KLHL29: variants seen among roughly 807,000 people sequenced by gnomAD.
KLHL29 encodes kelch-like protein 29.
Under a neutral mutation model 80.4 loss-of-function variants are expected in KLHL29, and 21 were observed. That is an observed-to-expected ratio of 0.26 (90% CI 0.19 to 0.38). KLHL29 has a LOEUF of 0.38. Among genes scored for constraint, KLHL29 ranks in the 10% least tolerant of loss-of-function variants. The pLI, the probability that KLHL29 is intolerant of heterozygous loss-of-function variation, is 1.00. For missense variants in KLHL29, 867 were observed against 1,223.9 expected, an observed-to-expected ratio of 0.71 and a Z score of 4.35; for synonymous variants, 511 against 526.8, an observed-to-expected ratio of 0.97 and a Z score of 0.41.
chr2:23,452,249 T>C (rs1034487885), intron 1 of KLHL29, among the ~76,000 whole-genome samples: 2 of 151,748 alleles, frequency 1.3e-5, no homozygotes, highest in African/African-American at 2.4e-5. Flanking sequence ...CTCCAGTTCC[T>C]GAGCCCAAGT....
In KLHL29 at chr2:23,503,184, A is replaced by AG. The variant is rs1220455583; in HGVS notation, c.-46+27518dup. On this transcript the variant is annotated intron_variant, in intron 2 of 13. Coordinates refer to ENST00000486442, the MANE Select transcript of KLHL29 (RefSeq NM_052920.2). The surrounding 1 kb of genome is among the most constrained non-coding windows in gnomAD (Gnocchi z 4.0). ...GCTACGGCAAGGGCAGGCAGATCTG[A>AG]GTGGAGGCTGCTGTCCTGTGAAGTA... Among the ~76,000 whole-genome samples the AG allele has an allele frequency of 6.6e-6, 1 of 152,174 alleles. No individual in the cohort carries two copies. Among genetic ancestry groups the AG allele is most frequent in the African/African-American group, 2.4e-5 (1 of 41,434 alleles).
At chr2:23,523,488 C>T (rs368543828) in intron 2 of KLHL29, among the ~76,000 whole-genome samples, 1 of 152,204 alleles carries the variant, frequency 6.6e-6, no homozygotes, top group East Asian at 1.9e-4. Flanking sequence ...CCTTAGCTTC[C>T]CCCCGCCAAA....
At chr2:23,432,391 AT>A (rs1663205978) in intron 1 of KLHL29, among the ~76,000 whole-genome samples, 1 of 152,110 alleles carries the variant, frequency 6.6e-6, no homozygotes, top group South Asian at 2.1e-4. Flanking sequence ...TTCCCTGGTT[AT>A]TTTTTAAATG....
chr2:23,519,890 A>G (rs1666043040), intron 2 of KLHL29, among the ~76,000 whole-genome samples: 1 of 99,058 alleles, frequency 1.0e-5, no homozygotes, highest in African/African-American at 2.9e-5. Context: ...AGCCTTTCCA[A>G]AGGAGGCAAT....
chr2:23,531,548 C>T (rs556468688), intron 2 of KLHL29, among the ~76,000 whole-genome samples: 1 of 152,312 alleles, frequency 6.6e-6, no homozygotes, highest in African/African-American at 2.4e-5. Flanking sequence ...CTGGGACCAA[C>T]GGGATTTCAC....
rs1332025606 is a variant in KLHL29 at position 23,564,478 on chromosome 2, T to C, written c.285+1997T>C. Reference sequence around the variant, plus strand: ...GAATTCTGCCTCCAGCCCGGCCTGTTTCCTGCAGGGGCTTGTTTGATTCCC... The same window carrying C: ...GAATTCTGCCTCCAGCCCGGCCTGTCTCCTGCAGGGGCTTGTTTGATTCCC... On this transcript the variant is annotated intron_variant, in intron 3 of 13. Coordinates refer to ENST00000486442, the MANE Select transcript of KLHL29 (RefSeq NM_052920.2). Among the ~76,000 whole-genome samples, 9 of 152,340 alleles carry C rather than the reference T, an allele frequency of 5.9e-5. No individual in the cohort carries two copies. The East Asian group carries it at 1.7e-3, about 29-fold the overall frequency.
chr2:23,703,065 C>A, intron 11 of KLHL29, 121 bp from the exon 12 acceptor site: 1 of 661,572 alleles, frequency 1.5e-6, no homozygotes, highest in Non-Finnish European at 2.3e-6. Context: ...CTGGTGTGAT[C>A]TCAGGCTATG....
Position 23,615,576 on chromosome 2 carries a change from C to T in KLHL29, c.286-23563C>T, listed in dbSNP as rs555769982. 5.3e-5 allele frequency among the ~76,000 whole-genome samples: 8 copies of T among 152,240 alleles called. No homozygotes were observed. The East Asian group carries it at 7.7e-4, about 15-fold the overall frequency. Reference sequence around the variant, plus strand: ...TGCCTCTCACGGTGGACCTGCGAGCCGGGCCGGAGCACCTGCACTGGTGCT... The same window carrying T: ...TGCCTCTCACGGTGGACCTGCGAGCTGGGCCGGAGCACCTGCACTGGTGCT... On this transcript the variant is annotated intron_variant, in intron 3 of 13. Transcript: ENST00000486442.
intron 5 of KLHL29, among the ~76,000 whole-genome samples, chr2:23,677,006 A>G (rs6713979): frequency 0.17 from 25,211 of 152,224 alleles, 2,196 homozygotes; most frequent in Middle Eastern, 0.25. Flanking sequence ...GCTGGCAGCC[A>G]CCTCTGTTCA....
intron 5 of KLHL29, among the ~76,000 whole-genome samples, chr2:23,650,022 G>C (rs1315998391): frequency 6.6e-6 from 1 of 152,222 alleles, no homozygotes; most frequent in Non-Finnish European, 1.5e-5. Flanking sequence ...CAGAGCCCAC[G>C]TGTGGCTTCT....
At chr2:23,568,248 T>C (rs1667637913) in intron 3 of KLHL29, among the ~76,000 whole-genome samples, 1 of 152,226 alleles carries the variant, frequency 6.6e-6, no homozygotes, top group South Asian at 2.1e-4. Flanking sequence ...GAAGACTTCA[T>C]TGACTGGAGC....
intron 1 of KLHL29, among the ~76,000 whole-genome samples, chr2:23,401,889 C>G (rs2103389124): frequency 6.6e-6 from 1 of 152,372 alleles, no homozygotes; most frequent in African/African-American, 2.4e-5. Context: ...GATGCAAGTT[C>G]TCGAGGTAAC....
At chr2:23,673,323 CA>C (rs1670821823) in intron 5 of KLHL29, among the ~76,000 whole-genome samples, 1 of 151,648 alleles carries the variant, frequency 6.6e-6, no homozygotes, top group African/African-American at 2.4e-5. Context: ...AGAGGACACA[CA>C]TACACCCATC....
rs976837950 is a variant in KLHL29 at position 23,693,983 on chromosome 2, T to C, written c.1542+455T>C. 6.6e-5 allele frequency among the ~76,000 whole-genome samples: 10 copies of C among 152,328 alleles called. No individual in the cohort carries two copies. The East Asian group carries it at 1.2e-3, about 18-fold the overall frequency. On this transcript the variant is annotated intron_variant, in intron 8 of 13. Coordinates refer to ENST00000486442, the MANE Select transcript of KLHL29 (RefSeq NM_052920.2). Reference sequence around the variant, plus strand: ...AGGGCTCCCGCCCCAGATCTCGCCATTGAGCCCCAGAGAAAGGGGTCCTCA... The same window carrying C: ...AGGGCTCCCGCCCCAGATCTCGCCACTGAGCCCCAGAGAAAGGGGTCCTCA...
intron 3 of KLHL29, among the ~76,000 whole-genome samples, chr2:23,585,211 GGCAGTACTCCCACGT>G (rs1319409937): frequency 6.6e-6 from 1 of 152,206 alleles, no homozygotes; most frequent in Non-Finnish European, 1.5e-5. Context: ...TAAAGGTTAG[GGCAGTACTCCCACGT>G]GCTCGGCAAC....
intron 2 of KLHL29, among the ~76,000 whole-genome samples, chr2:23,548,464 T>A (rs1157265563): frequency 1.3e-5 from 2 of 152,228 alleles, no homozygotes; most frequent in Non-Finnish European, 2.9e-5. Flanking sequence ...TAGAGTTGCA[T>A]GTCCCCACCC....
intron 2 of KLHL29, among the ~76,000 whole-genome samples, chr2:23,542,747 C>T (rs928824618): frequency 2.0e-5 from 3 of 152,180 alleles, no homozygotes; most frequent in Non-Finnish European, 4.4e-5. Flanking sequence ...GGACCAACTA[C>T]AAGTTGCTCA....
chr2:23,392,084 A>C (rs1440845992), intron 1 of KLHL29, among the ~76,000 whole-genome samples: 3 of 152,210 alleles, frequency 2.0e-5, no homozygotes, highest in Admixed American at 2.0e-4. Context: ...AGTAGTGGCT[A>C]TCTAGGGTGG....
intron 3 of KLHL29, among the ~76,000 whole-genome samples, chr2:23,623,404 G>A (rs750062172): frequency 2.6e-5 from 4 of 152,190 alleles, no homozygotes; most frequent in African/African-American, 7.2e-5. Flanking sequence ...GGGGGAGCGA[G>A]CTCTGTTTTC....
Sources: gnomAD v4.1 joint callset for allele counts (sites outside exome capture counted in the v4.1 genomes callset) on GRCh38, gnomAD v4.1.1 for gene constraint, Gnocchi (gnomAD v3.1) non-coding constraint, MANE v1.5 for transcripts, NCBI Gene and HGNC (gene_info 2026-07-23, HGNC 2026-07-21) for gene names.